The following SLC35F1 variants were observed in gnomAD, a reference collection of about 807,000 sequenced individuals.
SLC35F1 encodes the protein chromosome 6 open reading frame 169.
SLC35F1 carries 14 observed loss-of-function variants against 48.7 expected under a neutral mutation model. The ratio of observed to expected loss-of-function variants is 0.29; its 90% confidence interval spans 0.19 to 0.45. The LOEUF is 0.45. Among genes scored for constraint, SLC35F1 ranks in the 20% least tolerant of loss-of-function variants. The pLI is 1.00. For missense variants in SLC35F1, 404 were observed against 500.0 expected (o/e 0.81, Z 1.83); for synonymous variants, 190 against 202.2 (o/e 0.94, Z 0.51).
chr6:118,099,513 C>G (rs1258974584), intron 1 of SLC35F1, among the ~76,000 whole-genome samples: 1 of 151,712 alleles, frequency 6.6e-6, no homozygotes, highest in Non-Finnish European at 1.5e-5. Flanking sequence ...CCTTCTCCTC[C>G]CTCTCTCCTC....
rs1233317416 is a variant in SLC35F1, at chr6:118,239,570, T to C, written c.477+3934T>C. ...GTTCAGTGAGTTTTTTTTTAAGTTT[T>C]TTTAAGTATGTTTTGCCTGTGAACA... is the stretch of plus-strand genomic sequence containing the variant. On this transcript the variant is annotated intron_variant, in intron 3 of 7. Coordinates refer to ENST00000360388, the MANE Select transcript of SLC35F1 (RefSeq NM_001029858.4). Among the ~76,000 whole-genome samples the C allele has an allele frequency of 7.9e-5, 12 of 152,218 alleles. No individual in the cohort carries two copies. The South Asian group carries it at 2.5e-3, about 32-fold the overall frequency.
chr6:118,112,877 A>G (rs1773428956), intron 1 of SLC35F1, among the ~76,000 whole-genome samples: 1 of 152,150 alleles, frequency 6.6e-6, no homozygotes, highest in African/African-American at 2.4e-5. Context: ...AGCTAACTCA[A>G]TAATCCCTTT....
At chr6:117,995,047 A>G (rs1176042212) in intron 1 of SLC35F1, among the ~76,000 whole-genome samples, 1 of 152,226 alleles carries the variant, frequency 6.6e-6, no homozygotes. Flanking sequence ...CAACTAATGT[A>G]GGAATCTCCT....
At chr6:118,200,122 C>T (rs1267548227) in intron 2 of SLC35F1, among the ~76,000 whole-genome samples, 1 of 151,904 alleles carries the variant, frequency 6.6e-6, no homozygotes, top group Admixed American at 6.6e-5. Flanking sequence ...TCACCAGCAG[C>T]ATAGGTGAGT....
chr6:118,069,150 TAAC>T (rs1172268696), intron 1 of SLC35F1, among the ~76,000 whole-genome samples: 1 of 152,198 alleles, frequency 6.6e-6, no homozygotes, highest in Non-Finnish European at 1.5e-5. Context: ...TGAAACATAA[TAAC>T]GTGTTCATTT....
At chr6:118,028,374 G>C (rs758056919) in intron 1 of SLC35F1, among the ~76,000 whole-genome samples, 13 of 152,124 alleles carry the variant, frequency 8.5e-5, no homozygotes, top group Non-Finnish European at 1.9e-4. Context: ...CAATGAAAAT[G>C]AGTAGGGAGG....
At position 118,104,165 on chromosome 6, in the gene SLC35F1, C is replaced by T. The variant is rs1156639347; in HGVS notation, c.174-50280C>T. On this transcript the variant is annotated intron_variant, in intron 1 of 7. Transcript: ENST00000360388. ...TTCCCCTCCCTATCTTCCTCTCTCCCACATTCCCTCTTTTCCTTCCTTTCT... is the reference window on the plus strand; with the variant it reads ...TTCCCCTCCCTATCTTCCTCTCTCCTACATTCCCTCTTTTCCTTCCTTTCT... Among the ~76,000 whole-genome samples, 4 of 151,264 alleles carry T rather than the reference C, an allele frequency of 2.6e-5. No homozygotes were observed. The East Asian group carries it at 7.7e-4, about 29-fold the overall frequency.
chr6:118,019,538 C>A (rs1375933033), intron 1 of SLC35F1, among the ~76,000 whole-genome samples: 1 of 152,092 alleles, frequency 6.6e-6, no homozygotes, highest in African/African-American at 2.4e-5. Flanking sequence ...AGGAGAATCG[C>A]TTGAACCTGG....
At chr6:118,210,973 A>C (rs1774993922) in intron 2 of SLC35F1, among the ~76,000 whole-genome samples, 1 of 152,168 alleles carries the variant, frequency 6.6e-6, no homozygotes, top group Non-Finnish European at 1.5e-5. Flanking sequence ...TAAATAGGTA[A>C]TTAAGATAAA....
intron 1 of SLC35F1, among the ~76,000 whole-genome samples, chr6:118,137,829 T>A (rs966076603): frequency 4.6e-5 from 7 of 152,118 alleles, no homozygotes; most frequent in Non-Finnish European, 1.0e-4. Context: ...CCTACCATAG[T>A]CTTGGGGAAT....
chr6:118,184,654 C>A (rs205938), intron 2 of SLC35F1, among the ~76,000 whole-genome samples: 6,281 of 152,214 alleles, frequency 0.041, 258 homozygotes, highest in African/African-American at 0.1. Flanking sequence ...TTCACACACA[C>A]AAAAATAAGT....
chr6:117,908,936 G>C (rs1052317407), intron 1 of SLC35F1, among the ~76,000 whole-genome samples: 19 of 152,220 alleles, frequency 1.2e-4, no homozygotes, highest in Non-Finnish European at 1.0e-4. Context: ...ACACGGAACT[G>C]TCTGGGGCTC....
intron 2 of SLC35F1, among the ~76,000 whole-genome samples, chr6:118,156,232 CAAAAAA>C (rs529394070): frequency 7.2e-6 from 1 of 139,096 alleles, no homozygotes; most frequent in African/African-American, 2.6e-5. Flanking sequence ...ATCTAAGTGT[CAAAAAA>C]AAAAAGCATG....
rs205966 is a variant in SLC35F1 at position 118,154,635 on chromosome 6, G to A, written c.349+15G>A. ...CGTCAGACAAGGTAAGCTCACAAAA[G>A]CACCAGGAATATAACTTTTACAAAC... is the stretch of plus-strand genomic sequence containing the variant. On this transcript the variant is annotated intron_variant, in intron 2 of 7. Coordinates refer to ENST00000360388, the MANE Select transcript of SLC35F1 (RefSeq NM_001029858.4). 1,238,216 of 1,586,346 alleles carry A rather than the reference G, an allele frequency of 0.78. 486,136 individuals carry two copies. The highest frequency in any genetic ancestry group is 0.89 in the South Asian group (76,657 of 86,108).
chr6:118,215,244 T>TA (rs1338968147), intron 2 of SLC35F1, among the ~76,000 whole-genome samples: 3 of 151,846 alleles, frequency 2.0e-5, no homozygotes, highest in Admixed American at 6.6e-5. Flanking sequence ...GACCGCAAGG[T>TA]ATTGAGGTAG....
chr6:118,083,037 A>G (rs543713491), intron 1 of SLC35F1, among the ~76,000 whole-genome samples: 2 of 152,268 alleles, frequency 1.3e-5, no homozygotes, highest in East Asian at 3.9e-4. Context: ...AGAGAAAAAC[A>G]ACAGCTGTTA....
chr6:118,053,162 A>G (rs1772414947), intron 1 of SLC35F1, among the ~76,000 whole-genome samples: 1 of 152,186 alleles, frequency 6.6e-6, no homozygotes, highest in African/African-American at 2.4e-5. Flanking sequence ...AAATGTTGAT[A>G]ATTTCAGATT....
intron 1 of SLC35F1, among the ~76,000 whole-genome samples, chr6:118,013,383 T>C (rs1209087211): frequency 6.6e-6 from 1 of 152,198 alleles, no homozygotes; most frequent in Non-Finnish European, 1.5e-5. Flanking sequence ...TGAGATGTCA[T>C]AATTTCTATT....
intron 1 of SLC35F1, among the ~76,000 whole-genome samples, chr6:118,112,276 G>A (rs1479657361): frequency 6.6e-6 from 1 of 151,966 alleles, no homozygotes; most frequent in South Asian, 2.1e-4. Context: ...TGAGAACAAA[G>A]GCATTTCTAA....
Sources: allele counts gnomAD v4.1 joint callset (sites outside exome capture counted in the v4.1 genomes callset), GRCh38; gene constraint gnomAD v4.1.1; transcripts MANE v1.5; gene names NCBI Gene and HGNC (gene_info 2026-07-23, HGNC 2026-07-21).